CLEC16A: variants seen among roughly 807,000 people sequenced by gnomAD.
CLEC16A encodes the protein C-type lectin domain containing 16A.
CLEC16A carries 51 observed loss-of-function variants against 109.5 expected under a neutral mutation model. That is an observed-to-expected ratio of 0.47 (90% confidence interval 0.37 to 0.59). The LOEUF is 0.59. CLEC16A is among the 20% of genes least tolerant of loss of function. The pLI, the probability that CLEC16A is intolerant of heterozygous loss-of-function variation, is 0.00. For missense variants in CLEC16A, 1,339 were observed against 1,394.0 expected, an observed-to-expected ratio of 0.96 and a Z score of 0.63; for synonymous variants, 673 against 564.2, an observed-to-expected ratio of 1.19 and a Z score of -2.73.
intron 13 of CLEC16A, among the ~76,000 whole-genome samples, chr16:11,032,206 G>A (rs966268356): frequency 5.9e-5 from 9 of 152,308 alleles, no homozygotes; most frequent in Middle Eastern, 3.4e-3. Context: ...ATCACTGCCC[G>A]TTCCCTAGGG....
intron 7 of CLEC16A, among the ~76,000 whole-genome samples, chr16:10,975,994 G>A (rs763016602): frequency 3.9e-5 from 6 of 152,130 alleles, no homozygotes; most frequent in Non-Finnish European, 8.8e-5. Context: ...GCTGGGCATA[G>A]TGGTTCATGC....
In CLEC16A at chr16:11,174,084, C is replaced by T. The variant is rs1360018965; in HGVS notation, c.2807-4251C>T. 1 of 434,566 alleles carries T rather than the reference C, an allele frequency of 2.3e-6. No individual in the cohort carries two copies. Among genetic ancestry groups the T allele is most frequent in the African/African-American group, 2.0e-5 (1 of 49,518 alleles). The allele number at this position is 434,566 out of a possible 1,614,324, so 26.9% of individuals were successfully genotyped here. A position where few individuals can be genotyped will look rare whatever the true frequency, so the allele number is the denominator to read the frequency against. ...TCAGCGTCCGCTGCTGCTCAGTGTC[C>T]CCTCCATGTCGCCTCTGCCGTCCCA... On this transcript the variant is annotated intron_variant, in intron 23 of 23. Transcript: ENST00000409790. This position sits in a 1 kb window ranked among gnomAD's most constrained non-coding sequence, Gnocchi z 4.7.
Position 11,039,770 on chromosome 16 carries a change from ATTAG to A in CLEC16A, c.1555_1558del (p.Leu519SerfsTer20). On this transcript the variant is annotated frameshift_variant, in exon 14 of 24. Coordinates refer to ENST00000409790, the MANE Select transcript of CLEC16A (RefSeq NM_015226.3). LOFTEE classifies it high-confidence loss of function. ...CTGTTCCAGGCATGGATCCTGAAAAATTAGAGCGAATCCAGCTCCCCGTGCCAAA... is the reference window on the plus strand; with the variant it reads ...CTGTTCCAGGCATGGATCCTGAAAAAAGCGAATCCAGCTCCCCGTGCCAAA... 6.2e-7 allele frequency: 1 copy of A among 1,602,224 alleles called. No homozygotes were observed.
At chr16:11,043,821 C>T (rs1245338613) in intron 15 of CLEC16A, among the ~76,000 whole-genome samples, 1 of 151,832 alleles carries the variant, frequency 6.6e-6, no homozygotes, top group Non-Finnish European at 1.5e-5. Flanking sequence ...GCCAAGATCA[C>T]ACCACTGCAC....
At chr16:11,008,450 G>A (rs1299354868) in intron 11 of CLEC16A, among the ~76,000 whole-genome samples, 2 of 151,994 alleles carry the variant, frequency 1.3e-5, no homozygotes, top group Non-Finnish European at 2.9e-5. Context: ...CAGAGTATCA[G>A]GGAAGCTCAA....
At chr16:11,109,384 G>C (rs545825154) in intron 19 of CLEC16A, among the ~76,000 whole-genome samples, 1 of 152,180 alleles carries the variant, frequency 6.6e-6, no homozygotes, top group Non-Finnish European at 1.5e-5. Flanking sequence ...GAGCTCCTGG[G>C]CTCAAGTAAT....
chr16:11,063,718 TC>T (rs2048617560), intron 19 of CLEC16A, among the ~76,000 whole-genome samples: 1 of 152,130 alleles, frequency 6.6e-6, no homozygotes, highest in South Asian at 2.1e-4. Flanking sequence ...ACAGCCGAGC[TC>T]CGGCTGTCAT....
chr16:11,019,535 G>A (rs1232902131), intron 11 of CLEC16A, among the ~76,000 whole-genome samples: 5 of 152,204 alleles, frequency 3.3e-5, no homozygotes, highest in South Asian at 2.1e-4. Context: ...TTGGGAGGCC[G>A]AGGTGGGTGG....
chr16:11,061,775 TG>T (rs1003953714), intron 19 of CLEC16A, among the ~76,000 whole-genome samples: 6 of 152,284 alleles, frequency 3.9e-5, no homozygotes, highest in African/African-American at 1.4e-4. Flanking sequence ...AAAGGGAAAT[TG>T]GCTGATGTCA....
chr16:11,067,890 A>C (rs1241432906), intron 19 of CLEC16A, among the ~76,000 whole-genome samples: 1 of 152,216 alleles, frequency 6.6e-6, no homozygotes, highest in East Asian at 1.9e-4. Context: ...ACAGAGGTCC[A>C]TCCAGTTGGA....
chr16:11,090,189 C>A (rs1023350057), intron 19 of CLEC16A, among the ~76,000 whole-genome samples: 1 of 152,182 alleles, frequency 6.6e-6, no homozygotes, highest in African/African-American at 2.4e-5. Context: ...TACGACCAGG[C>A]TGCGTCAGTC....
At chr16:11,165,456 C>T (rs1464918594) in intron 22 of CLEC16A, among the ~76,000 whole-genome samples, 1 of 152,166 alleles carries the variant, frequency 6.6e-6, no homozygotes, top group African/African-American at 2.4e-5. Context: ...CACACCGCTG[C>T]ACTCCAGGCT....
chr16:11,042,962 A>G (rs894038439), intron 15 of CLEC16A, among the ~76,000 whole-genome samples: 11 of 151,132 alleles, frequency 7.3e-5, no homozygotes, highest in Non-Finnish European at 1.5e-5. Flanking sequence ...TACACTACGT[A>G]TATTTACATA....
intron 22 of CLEC16A, among the ~76,000 whole-genome samples, chr16:11,141,140 C>T (rs888063040): frequency 2.6e-5 from 4 of 152,232 alleles, no homozygotes; most frequent in African/African-American, 9.6e-5. Flanking sequence ...GAGCAGTTGG[C>T]CTGGCTCCTC....
intron 19 of CLEC16A, among the ~76,000 whole-genome samples, chr16:11,095,362 G>A (rs928597439): frequency 2.0e-5 from 3 of 152,052 alleles, no homozygotes; most frequent in African/African-American, 7.2e-5. Flanking sequence ...CTGGGTGCAG[G>A]GCTCCCCCCA....
chr16:11,073,152 G>C (rs1437398493), intron 19 of CLEC16A, among the ~76,000 whole-genome samples: 2 of 152,224 alleles, frequency 1.3e-5, no homozygotes, highest in East Asian at 3.8e-4. Flanking sequence ...GGCATTCAAA[G>C]AGTTGGATTG....
chr16:10,987,578 CAT>C (rs1202417161), intron 10 of CLEC16A, among the ~76,000 whole-genome samples: 3 of 152,202 alleles, frequency 2.0e-5, no homozygotes, highest in African/African-American at 7.2e-5. Context: ...TGCTAGCCCA[CAT>C]GTGTCGGCTT....
At chr16:11,034,887 G>A (rs1287392392) in intron 13 of CLEC16A, among the ~76,000 whole-genome samples, 3 of 152,136 alleles carry the variant, frequency 2.0e-5, no homozygotes, top group African/African-American at 4.8e-5. Context: ...AAACCACGGG[G>A]TATGCATGCG....
intron 22 of CLEC16A, among the ~76,000 whole-genome samples, chr16:11,161,157 G>T (rs2054708193): frequency 6.6e-6 from 1 of 152,118 alleles, no homozygotes; most frequent in Admixed American, 6.5e-5. Context: ...AGGATTCCAG[G>T]TGCTAGCTAT....
Sources: allele counts gnomAD v4.1 joint callset (sites outside exome capture counted in the v4.1 genomes callset), GRCh38; gene constraint gnomAD v4.1.1; non-coding constraint Gnocchi (gnomAD v3.1); transcripts MANE v1.5; gene names NCBI Gene and HGNC (gene_info 2026-07-23, HGNC 2026-07-21).